APP: variants seen among roughly 807,000 people sequenced by gnomAD.
The protein encoded by APP is amyloid-beta precursor protein.
Under a neutral mutation model 101.4 loss-of-function variants are expected in APP, and 31 were observed. That is an observed-to-expected ratio of 0.31 (90% CI 0.23 to 0.41). The LOEUF (loss-of-function observed/expected upper bound fraction) is 0.41, where lower values mean the gene tolerates loss of function less well. APP is among the 10% of genes least tolerant of loss of function. The probability of loss-of-function intolerance (pLI) is 1.00; values close to 1 mark genes in which losing one functional copy is unlikely to be tolerated. For synonymous variants in APP, 366 were observed against 364.4 expected, an observed-to-expected ratio of 1.00 and a Z score of -0.05; for missense variants, 839 against 1,003.7, an observed-to-expected ratio of 0.84 and a Z score of 2.22.
intron 1 of APP, among the ~76,000 whole-genome samples, chr21:26,135,781 TA>T (rs2062884162): frequency 6.6e-6 from 1 of 152,120 alleles, no homozygotes; most frequent in South Asian, 2.1e-4. Context: ...GTTTTGCATA[TA>T]AATCAAAACG....
chr21:25,891,800 G>T lies in APP; in HGVS notation c.2133C>A (p.Val711=), dbSNP rs116650065. Residue 711 remains valine, a synonymous_variant, in exon 17 of 18, where the codon GTC becomes GTA. Transcript: ENST00000346798. The part of the protein sequence containing the change: ...AIIGLMVGGV[V]IATVIVITLV... ...AGGTGATGACGATCACTGTCGCTAT[G>T]ACAACACCGCCCACCATGAGTCCAA... 2,417 of 1,614,042 alleles carry T rather than the reference G, an allele frequency of 1.5e-3. 28 individuals carry two copies. The African/African-American group carries it at 0.028, about 19-fold the overall frequency.
At chr21:26,076,181 A>G (rs1187016003) in intron 3 of APP, among the ~76,000 whole-genome samples, 1 of 152,162 alleles carries the variant, frequency 6.6e-6, no homozygotes, top group Non-Finnish European at 1.5e-5. Context: ...GGTGTGAGCT[A>G]CCACGCCCAG....
chr21:26,054,963 C>T (rs926326941), intron 3 of APP, among the ~76,000 whole-genome samples: 4 of 152,098 alleles, frequency 2.6e-5, no homozygotes, highest in Non-Finnish European at 5.9e-5. Flanking sequence ...CTAGCTCAAA[C>T]ATGTAAGATG....
chr21:26,046,549 G>GAA (rs532493160), intron 5 of APP, among the ~76,000 whole-genome samples: 240 of 146,704 alleles, frequency 1.6e-3, no homozygotes, highest in African/African-American at 5.7e-3. Context: ...CAAAGAAATA[G>GAA]AAAAAAAAAA....
chr21:26,002,204 A>G (rs2048308572), intron 6 of APP, among the ~76,000 whole-genome samples: 1 of 152,240 alleles, frequency 6.6e-6, no homozygotes, highest in Non-Finnish European at 1.5e-5. Flanking sequence ...TGTCCGTTGC[A>G]TGGCGCATTT....
intron 13 of APP, among the ~76,000 whole-genome samples, chr21:25,944,950 A>T (rs2040741115): frequency 3.3e-5 from 5 of 152,196 alleles, no homozygotes; most frequent in Admixed American, 2.6e-4. Context: ...TTACAGGGCC[A>T]TACAAACGAG....
chr21:25,909,081 G>A (rs2038932143), intron 14 of APP, among the ~76,000 whole-genome samples: 2 of 152,020 alleles, frequency 1.3e-5, no homozygotes. Context: ...GGCTAACACG[G>A]TGAAACCCTA....
chr21:26,159,238 C>T (rs1186463279), intron 1 of APP, among the ~76,000 whole-genome samples: 1 of 152,070 alleles, frequency 6.6e-6, no homozygotes, highest in Non-Finnish European at 1.5e-5. Context: ...TGTCACCACG[C>T]CCGGTTAATT....
chr21:26,110,428 A>G (rs1041036631), intron 2 of APP, among the ~76,000 whole-genome samples: 1 of 152,198 alleles, frequency 6.6e-6, no homozygotes, highest in African/African-American at 2.4e-5. Flanking sequence ...CCTGGGCGAC[A>G]GAGCAAGATG....
intron 15 of APP, among the ~76,000 whole-genome samples, chr21:25,901,911 CCCT>C (rs1319661735): frequency 3.3e-5 from 5 of 152,092 alleles, no homozygotes; most frequent in Non-Finnish European, 7.4e-5. Context: ...TAGCTTTCTA[CCCT>C]ATGTGAAGAG....
At chr21:25,983,133 T>C (rs2042503119) in intron 8 of APP, among the ~76,000 whole-genome samples, 3 of 152,258 alleles carry the variant, frequency 2.0e-5, no homozygotes. Context: ...TGATTTCTAT[T>C]TTGAATTCAA....
chr21:25,895,633 C>CT (rs2037992065), intron 16 of APP, among the ~76,000 whole-genome samples: 1 of 152,140 alleles, frequency 6.6e-6, no homozygotes, highest in Non-Finnish European at 1.5e-5. Context: ...TAAGCTGAAA[C>CT]TAACATACTA....
chr21:25,990,473 C>T (rs1276652754), intron 8 of APP, among the ~76,000 whole-genome samples: 1 of 152,016 alleles, frequency 6.6e-6, no homozygotes, highest in African/African-American at 2.4e-5. Context: ...AATGGGTTAA[C>T]CTTAGGTTAT....
chr21:25,955,575 C>T (rs948811481), intron 12 of APP, 52 bp downstream of exon 12: 19 of 1,613,288 alleles, frequency 1.2e-5, no homozygotes, highest in Admixed American at 6.7e-5. Context: ...ACCCAAGAAG[C>T]AAGAATCCTG....
At chr21:26,025,625 G>GT (rs1466628579) in intron 5 of APP, among the ~76,000 whole-genome samples, 1 of 152,200 alleles carries the variant, frequency 6.6e-6, no homozygotes, top group Non-Finnish European at 1.5e-5. Context: ...AAAAACAGCT[G>GT]TTTAGTGTGA....
chr21:26,017,104 C>T (rs570859522), intron 6 of APP, among the ~76,000 whole-genome samples: 11 of 145,428 alleles, frequency 7.6e-5, no homozygotes, highest in African/African-American at 2.6e-4. Context: ...GAGGCTGAAG[C>T]GGGAGAATGG....
In APP at chr21:26,028,998, C is replaced by T. The variant is rs892582159; in HGVS notation, c.663-6956G>A. Among the ~76,000 whole-genome samples, 15 of 152,130 alleles carry T rather than the reference C, an allele frequency of 9.9e-5. No individual in the cohort carries two copies. The East Asian group carries it at 2.5e-3, about 25-fold the overall frequency. On this transcript the variant is annotated intron_variant, in intron 5 of 17. Coordinates refer to ENST00000346798, the MANE Select transcript of APP (RefSeq NM_000484.4). ...GAACTAAAAATGCTGAAGTCGGGCA[C>T]GGCAAAACCAAGAGAGTGCATGGAT...
chr21:25,900,319 G>A (rs1219308294), intron 15 of APP, among the ~76,000 whole-genome samples: 1 of 137,974 alleles, frequency 7.2e-6, no homozygotes, highest in East Asian at 2.2e-4. Context: ...GATCACTTGA[G>A]GTCAGGAGTT....
chr21:26,119,664 T>C (rs2062519307), intron 1 of APP, among the ~76,000 whole-genome samples: 1 of 150,888 alleles, frequency 6.6e-6, no homozygotes, highest in South Asian at 2.2e-4. Flanking sequence ...TTGTATGGTA[T>C]GTAGTGGGAG....
Sources: allele counts gnomAD v4.1 joint callset (sites outside exome capture counted in the v4.1 genomes callset), GRCh38; gene constraint gnomAD v4.1.1; transcripts MANE v1.5; gene names NCBI Gene and HGNC (gene_info 2026-07-23, HGNC 2026-07-21).